Variants in ZMYND11 observed in about 807,000 individuals in gnomAD.
ZMYND11 encodes zinc finger MYND domain-containing protein 11.
In ZMYND11, 9 loss-of-function variants were observed where a neutral mutation model predicts 84.9. The ratio of observed to expected loss-of-function variants is 0.11; its 90% confidence interval spans 0.06 to 0.18. The LOEUF is 0.18. Among genes scored for constraint, ZMYND11 ranks in the 10% least tolerant of loss-of-function variants. The pLI is 1.00. For synonymous variants in ZMYND11, 250 were observed against 244.1 expected (o/e 1.02, Z -0.23); for missense variants, 409 against 761.0 (o/e 0.54, Z 5.44).
chr10:167,643 C>G (rs1186352950), intron 1 of ZMYND11, among the ~76,000 whole-genome samples: 3 of 151,994 alleles, frequency 2.0e-5, no homozygotes, highest in African/African-American at 7.2e-5. Context: ...CTCTGTATTG[C>G]CAGTTATCCA....
At chr10:144,859 A>G (rs1554754825) in intron 1 of ZMYND11, among the ~76,000 whole-genome samples, 1 of 150,454 alleles carries the variant, frequency 6.6e-6, no homozygotes, top group East Asian at 1.9e-4. Context: ...TGAGTAGTGT[A>G]CATTGTACCC....
intron 4 of ZMYND11, among the ~76,000 whole-genome samples, chr10:225,196 T>A (rs1023086021): frequency 3.2e-4 from 48 of 152,260 alleles, no homozygotes; most frequent in African/African-American, 1.1e-3. Context: ...GATTTTTAGG[T>A]TTAAAGGATA....
chr10:148,929 C>A (rs1397937396), intron 1 of ZMYND11, among the ~76,000 whole-genome samples: 1 of 152,126 alleles, frequency 6.6e-6, no homozygotes, highest in Non-Finnish European at 1.5e-5. Context: ...ATAATTTTGT[C>A]AGTTTTAAAT....
At position 222,624 on chromosome 10, in the gene ZMYND11, G is replaced by A. The variant is rs183949919; in HGVS notation, c.438+1268G>A. Among the ~76,000 whole-genome samples, 241 of 151,906 alleles carry A rather than the reference G, an allele frequency of 1.6e-3. 2 individuals carry two copies. Among genetic ancestry groups the A allele is most frequent in the Non-Finnish European group, 2.8e-3 (193 of 67,950 alleles). ...CATATTTTATTCTCTTGTGGATTTC[G>A]ATTGTACATTTTAAAAGCAAATATA... On this transcript the variant is annotated intron_variant, in intron 4 of 14. Coordinates refer to ENST00000381604, the MANE Select transcript of ZMYND11 (RefSeq NM_001370100.5).
At chr10:173,771 G>T (rs1439810767) in intron 1 of ZMYND11, among the ~76,000 whole-genome samples, 1 of 152,062 alleles carries the variant, frequency 6.6e-6, no homozygotes, top group Non-Finnish European at 1.5e-5. Flanking sequence ...CCTCACCAAA[G>T]AAATACAGAT....
upstream of ZMYND11, among the ~76,000 whole-genome samples, chr10:132,900 C>T (rs782326605): frequency 1.7e-4 from 26 of 151,916 alleles, no homozygotes; most frequent in Admixed American, 4.6e-4. Context: ...CTCACCAATG[C>T]AAAAAGGAGA....
At chr10:133,355 C>T (rs781830702), upstream of ZMYND11, among the ~76,000 whole-genome samples, 2 of 152,086 alleles carry the variant, frequency 1.3e-5, no homozygotes, top group Non-Finnish European at 2.9e-5. Flanking sequence ...GAGGGATATT[C>T]GTATTCATCT....
In ZMYND11 at chr10:179,976, TTTTG is replaced by T. The variant is rs774750059; in HGVS notation, c.-19-14_-19-11del. Reference sequence around the variant, plus strand: ...TGTAATCTGTTTTTTTCCCTTATGTTTTTGTTTATTACTGCAGCTAAAGAAGTAA... The same window carrying T: ...TGTAATCTGTTTTTTTCCCTTATGTTTTTATTACTGCAGCTAAAGAAGTAA... On this transcript the variant is annotated splice_polypyrimidine_tract_variant and intron_variant, in intron 1 of 14. Transcript: ENST00000381604. 2.7e-6 allele frequency: 4 copies of T among 1,483,810 alleles called. No individual in the cohort carries two copies. The African/African-American group carries it at 5.6e-5, about 21-fold the overall frequency. 91.9% of individuals were successfully genotyped at this position (1,483,810 alleles called of 1,614,324 possible).
chr10:247,074 C>A, intron 11 of ZMYND11, 101 bp downstream of exon 11: 1 of 1,242,440 alleles, frequency 8.0e-7, no homozygotes, highest in Non-Finnish European at 1.1e-6. Flanking sequence ...TTGACGTTCT[C>A]CTTCCCTTTT....
At chr10:243,643 ATCATGAGG>A (rs1951511445) in intron 10 of ZMYND11, among the ~76,000 whole-genome samples, 1 of 152,326 alleles carries the variant, frequency 6.6e-6, no homozygotes, top group African/African-American at 2.4e-5. Context: ...AGGCGGCTGG[ATCATGAGG>A]TCAGGAGATC....
At chr10:188,430 A>T (rs1446532040) in intron 2 of ZMYND11, among the ~76,000 whole-genome samples, 1 of 151,824 alleles carries the variant, frequency 6.6e-6, no homozygotes, top group Non-Finnish European at 1.5e-5. Flanking sequence ...TCTACAAAAA[A>T]AAAAACCACA....
intron 1 of ZMYND11, among the ~76,000 whole-genome samples, chr10:160,706 G>T (rs527794463): frequency 3.9e-5 from 6 of 152,216 alleles, no homozygotes; most frequent in Non-Finnish European, 7.4e-5. Flanking sequence ...TCAGGGTTAG[G>T]TTCCATCTCA....
intron 4 of ZMYND11, among the ~76,000 whole-genome samples, chr10:228,961 C>A (rs1157633872): frequency 6.6e-6 from 1 of 152,018 alleles, no homozygotes; most frequent in Non-Finnish European, 1.5e-5. Context: ...TATGTGTGTA[C>A]CTGTGGGCAT....
chr10:220,386 C>G (rs1946942507), intron 3 of ZMYND11, among the ~76,000 whole-genome samples: 1 of 151,876 alleles, frequency 6.6e-6, no homozygotes, highest in African/African-American at 2.4e-5. Flanking sequence ...ATAATGAATT[C>G]TAAATTAAGA....
chr10:215,472 G>A (rs1398862387), intron 3 of ZMYND11, among the ~76,000 whole-genome samples: 2 of 152,002 alleles, frequency 1.3e-5, no homozygotes, highest in Admixed American at 1.3e-4. Flanking sequence ...TCCTTCTACC[G>A]GTATGTTTTG....
intron 9 of ZMYND11, 112 bp from the exon 10 acceptor site, chr10:241,909 G>T: frequency 7.5e-7 from 1 of 1,339,128 alleles, no homozygotes; most frequent in East Asian, 2.3e-5. Flanking sequence ...TAGGAGTTAT[G>T]AAAGAAATAT....
intron 1 of ZMYND11, among the ~76,000 whole-genome samples, chr10:152,880 A>G (rs1260679438): frequency 2.0e-5 from 3 of 152,236 alleles, no homozygotes; most frequent in Admixed American, 6.5e-5. Context: ...CCACAGTGCA[A>G]TCAAACTAGA....
At chr10:173,126 A>G (rs1845753175) in intron 1 of ZMYND11, among the ~76,000 whole-genome samples, 2 of 152,150 alleles carry the variant, frequency 1.3e-5, no homozygotes, top group Non-Finnish European at 2.9e-5. Flanking sequence ...AATGTAAAAT[A>G]CAAAACTGTA....
chr10:240,195 T>C (rs1950635468), intron 8 of ZMYND11, 84 bp downstream of exon 8: 2 of 1,221,124 alleles, frequency 1.6e-6, no homozygotes, highest in Admixed American at 2.2e-5. Flanking sequence ...TACATTTTAG[T>C]TGTGCCATTT....
Sources: allele counts gnomAD v4.1 joint callset (sites outside exome capture counted in the v4.1 genomes callset), GRCh38; gene constraint gnomAD v4.1.1; transcripts MANE v1.5; gene names NCBI Gene and HGNC (gene_info 2026-07-23, HGNC 2026-07-21).